AMER2: variants seen among roughly 807,000 people sequenced by gnomAD.
AMER2 encodes APC membrane recruitment protein 2.
A neutral mutation model predicts 4.7 loss-of-function variants in AMER2; 1 was observed. The observed-to-expected ratio is 0.21, with a 90% CI of 0.07 to 1.00. The LOEUF is 1.00. Among genes scored for constraint, AMER2 ranks in the 50% least tolerant of loss-of-function variants. The pLI is 0.60. For synonymous variants in AMER2, 485 were observed against 433.3 expected (o/e 1.12, Z -1.48); for missense variants, 988 against 966.9 (o/e 1.02, Z -0.29).
In AMER2 at chr13:25,164,213, G is replaced by C. The variant is rs1956450002; in HGVS notation, c.*5391C>G. Reference sequence around the variant, plus strand: ...AGACCACCCAGAACCCACCAAGATGGCTTAAGGTAGGAATAAAAACAAATG... The same window carrying C: ...AGACCACCCAGAACCCACCAAGATGCCTTAAGGTAGGAATAAAAACAAATG... On this transcript the variant is annotated 3_prime_UTR_variant, in exon 1 of 1. Transcript: ENST00000515384. 1 of 151,752 alleles carries C rather than the reference G, an allele frequency of 6.6e-6. No individual in the cohort carries two copies. Among genetic ancestry groups the C allele is most frequent in the African/African-American group, 2.4e-5 (1 of 41,274 alleles). 9.4% of individuals were successfully genotyped at this position (151,752 alleles called of 1,614,324 possible). A position where few individuals can be genotyped will look rare whatever the true frequency, so the allele number is the denominator to read the frequency against.
rs142095746 is a variant in AMER2, at chr13:25,169,610, C to G, written c.2010G>C (p.Lys670Asn). The G allele has an allele frequency of 0.013, 20,552 of 1,577,574 alleles. 177 individuals are homozygous for G. The highest frequency in any genetic ancestry group is 0.017 in the Middle Eastern group (98 of 5,860). Reference sequence around the variant, plus strand: ...CACCTTGGCCTGGAAGACCTCACAACTTTTTGGCACTGTCGTGGCAGGCCG... The same window carrying G: ...CACCTTGGCCTGGAAGACCTCACAAGTTTTTGGCACTGTCGTGGCAGGCCG... ...RATACHDSAK[K>N]L is the part of the protein sequence containing the mutation. The change falls in exon 1 of 1, where the codon AAG (lysine) becomes AAC (asparagine). Residue 670 changes from lysine to asparagine, a missense_variant. Transcript: ENST00000515384. This position sits in a 1 kb window ranked among gnomAD's most constrained non-coding sequence, Gnocchi z 4.2.
Position 25,171,506 on chromosome 13 carries a change from G to T in AMER2, c.114C>A (p.Thr38=), listed in dbSNP as rs1956579157. The T allele has an allele frequency of 1.2e-6, 2 of 1,601,628 alleles. No individual in the cohort carries two copies. Among genetic ancestry groups the T allele is most frequent in the African/African-American group, 1.4e-5 (1 of 73,910 alleles). Residue 38 remains threonine (T), a synonymous_variant, in exon 1 of 1, where the codon ACC becomes ACA. Coordinates refer to ENST00000515384, the MANE Select transcript of AMER2 (RefSeq NM_152704.4). This position sits in a 1 kb window ranked among gnomAD's most constrained non-coding sequence, Gnocchi z 5.9. ...AATGCAAGTCCATGTCTGCCGCGAG[G>T]GTCCCGGTCCCGGCCCCGGCCTCCG... ...RKAEAGAGTG[T]LAADMDLHCD...
rs1436055317 is a variant in AMER2 at position 25,169,445 on chromosome 13, A to C, written c.*159T>G. ...TTCTGGTGTTATCCGGTCCCTGCTC[A>C]GGGCACAAAGACCTCCTCGGTCCAC... On this transcript the variant is annotated 3_prime_UTR_variant, in exon 1 of 1. Transcript: ENST00000515384. This position sits in a 1 kb window ranked among gnomAD's most constrained non-coding sequence, Gnocchi z 4.2. 2.2e-6 allele frequency: 2 copies of C among 900,452 alleles called. No homozygotes were observed. Among genetic ancestry groups the C allele is most frequent in the Non-Finnish European group, 3.2e-6 (2 of 628,128 alleles). 55.8% of individuals were successfully genotyped at this position (900,452 alleles called of 1,614,324 possible).
rs748537481 is a variant in AMER2 at position 25,169,905 on chromosome 13, C to G, written c.1715G>C (p.Gly572Ala). Reference protein sequence around the residue: ...PDGSPATLPGGKDNEETSSLS... With the variant: ...PDGSPATLPGAKDNEETSSLS... The stretch of plus-strand genomic sequence containing the variant: ...GGAGGACGTCTCCTCGTTGTCCTTC[C>G]CTCCAGGAAGGGTTGCTGGACTTCC... The change falls in exon 1 of 1, where the codon GGG (glycine) becomes GCG (alanine). Residue 572 changes from glycine to alanine, a missense_variant. Gly to Ala is a moderately conservative substitution (Grantham distance 60, BLOSUM62 0). Coordinates refer to ENST00000515384, the MANE Select transcript of AMER2 (RefSeq NM_152704.4). This position sits in a 1 kb window ranked among gnomAD's most constrained non-coding sequence, Gnocchi z 4.2. 4.3e-6 allele frequency: 7 copies of G among 1,614,068 alleles called. No homozygotes were observed. The East Asian group carries it at 1.6e-4, about 36-fold the overall frequency.
In AMER2 at chr13:25,170,818, C is replaced by T. The variant is rs1157633489; in HGVS notation, c.802G>A (p.Glu268Lys). The change falls in exon 1 of 1, where the codon GAG becomes AAG. Residue 268 changes from glutamate (E) to lysine (K), a missense_variant. Transcript: ENST00000515384. This position sits in a 1 kb window ranked among gnomAD's most constrained non-coding sequence, Gnocchi z 7.3. Reference sequence around the variant, plus strand: ...GCGCGGTCGGCGGGGGCGGGCACCTCCTCTCCCCCTGCGGGCTCACCTGCT... The same window carrying T: ...GCGCGGTCGGCGGGGGCGGGCACCTTCTCTCCCCCTGCGGGCTCACCTGCT... ...DPAGEPAGGE[E>K]VPAPADRAPA... The T allele has an allele frequency of 4.3e-6, 6 of 1,408,382 alleles. No homozygotes were observed. The African/African-American group carries it at 7.5e-5, about 18-fold the overall frequency. 87.2% of individuals were successfully genotyped at this position (1,408,382 alleles called of 1,614,324 possible). A position where few individuals can be genotyped will look rare whatever the true frequency, so the allele number is the denominator to read the frequency against.
chr13:25,166,277 A>G lies in AMER2; in HGVS notation c.*3327T>C, dbSNP rs747095666. On this transcript the variant is annotated 3_prime_UTR_variant, in exon 1 of 1. Transcript: ENST00000515384. ...CCATTGTTGTTATTAGATAAAATAA[A>G]ATGTATCTAGAGGAAGTCCTTTGTA... The G allele has an allele frequency of 7.9e-5, 12 of 152,214 alleles. No individual in the cohort carries two copies. The highest frequency in any genetic ancestry group is 1.6e-4 in the Non-Finnish European group (11 of 68,032). 9.4% of individuals were successfully genotyped at this position (152,214 alleles called of 1,614,324 possible).
chr13:25,169,853 T>A lies in AMER2; in HGVS notation c.1767A>T (p.Pro589=). 6.2e-7 allele frequency: 1 copy of A among 1,614,126 alleles called. No individual in the cohort carries two copies. Among genetic ancestry groups the A allele is most frequent in the Admixed American group, 1.7e-5 (1 of 60,024 alleles). The change falls in exon 1 of 1, where the codon CCA becomes CCT. Residue 589 remains proline, a synonymous_variant. Coordinates refer to ENST00000515384, the MANE Select transcript of AMER2 (RefSeq NM_152704.4). This position sits in a 1 kb window ranked among gnomAD's most constrained non-coding sequence, Gnocchi z 4.2. ...TTCGCAGTGGACAGGTGATGGTGCC[T>A]GGAGATACGGGCTTTAACCGGGACA... ...SSLSRLKPVS[P]GTITCPLRTP...
At position 25,164,409 on chromosome 13, in the gene AMER2, T is replaced by C. The variant is rs1956452046; in HGVS notation, c.*5195A>G. 6.6e-6 allele frequency: 1 copy of C among 151,630 alleles called. No individual in the cohort carries two copies. Among genetic ancestry groups the C allele is most frequent in the African/African-American group, 2.4e-5 (1 of 41,250 alleles). 9.4% of individuals were successfully genotyped at this position (151,630 alleles called of 1,614,324 possible). ...TAGCACAGTGGCAGGGTTCCCTGTA[T>C]ATGATTGTGAGCACCATCATCTCAG... is the stretch of plus-strand genomic sequence containing the variant. On this transcript the variant is annotated 3_prime_UTR_variant, in exon 1 of 1. Transcript: ENST00000515384.
At position 25,171,309 on chromosome 13, in the gene AMER2, C is replaced by T. The variant is rs1255055218; in HGVS notation, c.311G>A (p.Arg104Lys). ...CACCTCGGCAAGTCCGTCGTGGGTC[C>T]TGCTCCTCACCAGCCCCGTCGGACC... ...SSGPTGLVRS[R>K]THDGLAEVLV... Residue 104 changes from arginine to lysine, a missense_variant, in exon 1 of 1, where the codon AGG becomes AAG. Physicochemically the swap from Arg to Lys is conservative, Grantham distance 26. Coordinates refer to ENST00000515384, the MANE Select transcript of AMER2 (RefSeq NM_152704.4). The surrounding 1 kb of genome is among the most constrained non-coding windows in gnomAD (Gnocchi z 5.9). 6.2e-7 allele frequency: 1 copy of T among 1,604,350 alleles called. No homozygotes were observed. The highest frequency in any genetic ancestry group is 8.5e-7 in the Non-Finnish European group (1 of 1,176,962).
Position 25,171,650 on chromosome 13 carries a change from A to T in AMER2, c.-31T>A. ...CCGCGCGGGATAAGCCGCTTTCGTC[A>T]GCAGTGGGCTCGCGCCAGGCCACTG... On this transcript the variant is annotated 5_prime_UTR_variant, in exon 1 of 1. Transcript: ENST00000515384. This position sits in a 1 kb window ranked among gnomAD's most constrained non-coding sequence, Gnocchi z 5.9. 6 of 1,447,454 alleles carry T rather than the reference A, an allele frequency of 4.1e-6. No individual in the cohort carries two copies. Among genetic ancestry groups the T allele is most frequent in the Non-Finnish European group, 5.4e-6 (6 of 1,112,006 alleles). The allele number at this position is 1,447,454 out of a possible 1,614,324, so 89.7% of individuals were successfully genotyped here.
In AMER2 at chr13:25,170,059, C is replaced by T. The variant is rs1956534794; in HGVS notation, c.1561G>A (p.Asp521Asn). 2 of 1,613,848 alleles carry T rather than the reference C, an allele frequency of 1.2e-6. No homozygotes were observed. The highest frequency in any genetic ancestry group is 1.3e-5 in the African/African-American group (1 of 74,932). ...GTGGTGGAGTCCCAGTAGCCCTCGTCGCTGTTGGGGACGCCTTCCTGCTGC... is the reference window on the plus strand; with the variant it reads ...GTGGTGGAGTCCCAGTAGCCCTCGTTGCTGTTGGGGACGCCTTCCTGCTGC... ...KEQQEGVPNS[D>N]EGYWDSTTPG... is the part of the protein sequence containing the mutation. Residue 521 changes from aspartate (D) to asparagine (N), a missense_variant, in exon 1 of 1, where the codon GAC (aspartate) becomes AAC (asparagine). Asp to Asn is a conservative substitution (Grantham distance 23). Coordinates refer to ENST00000515384, the MANE Select transcript of AMER2 (RefSeq NM_152704.4). The surrounding 1 kb of genome is among the most constrained non-coding windows in gnomAD (Gnocchi z 7.3).
rs1956564806 is a variant in AMER2 at position 25,171,058 on chromosome 13, C to T, written c.562G>A (p.Gly188Ser). The change falls in exon 1 of 1, where the codon GGC becomes AGC. Residue 188 changes from glycine (G) to serine (S), a missense_variant. Physicochemically the swap from Gly to Ser is moderately conservative, Grantham distance 56. Coordinates refer to ENST00000515384, the MANE Select transcript of AMER2 (RefSeq NM_152704.4). This position sits in a 1 kb window ranked among gnomAD's most constrained non-coding sequence, Gnocchi z 5.9. ...CCCCGCAGCCCCCGCTTTTGTTTGC[C>T]GCCGGCCTTGCTCGCGTCCACAGGC... ...GEPVDASKAG[G>S]KQKRGLRGLF... 2 of 1,578,806 alleles carry T rather than the reference C, an allele frequency of 1.3e-6. No homozygotes were observed. The highest frequency in any genetic ancestry group is 2.5e-5 in the East Asian group (1 of 40,158).
rs1343226775 is a variant in AMER2 at position 25,170,150 on chromosome 13, G to A, written c.1470C>T (p.Arg490=). The part of the protein sequence containing the change: ...EAAKDASSVK[R]RRLNRIPIEP... ...CGATGGGAATCCGGTTGAGCCTCCT[G>A]CGCTTGACCGAGGACGCGTCCTTGG... The change falls in exon 1 of 1, where the codon CGC becomes CGT. Residue 490 remains arginine, a synonymous_variant. Coordinates refer to ENST00000515384, the MANE Select transcript of AMER2 (RefSeq NM_152704.4). The surrounding 1 kb of genome is among the most constrained non-coding windows in gnomAD (Gnocchi z 7.3). The A allele has an allele frequency of 1.9e-6, 3 of 1,614,022 alleles. No homozygotes were observed. Among genetic ancestry groups the A allele is most frequent in the Admixed American group, 1.7e-5 (1 of 60,022 alleles).
At position 25,170,010 on chromosome 13, in the gene AMER2, G is replaced by A. The variant is rs150740704; in HGVS notation, c.1610C>T (p.Ser537Leu). 9.6e-4 allele frequency: 1,553 copies of A among 1,613,774 alleles called. 6 individuals carry two copies. The African/African-American group carries it at 0.017, about 18-fold the overall frequency. The change falls in exon 1 of 1, where the codon TCG becomes TTG. Residue 537 changes from serine (S) to leucine (L), a missense_variant. Coordinates refer to ENST00000515384, the MANE Select transcript of AMER2 (RefSeq NM_152704.4). The surrounding 1 kb of genome is among the most constrained non-coding windows in gnomAD (Gnocchi z 7.3). Reference sequence around the variant, plus strand: ...GATGCCCGCCTTCTTCCCGCTGCTCGAGCTGTCTTCCTCTGGGCCTGGCGT... The same window carrying A: ...GATGCCCGCCTTCTTCCCGCTGCTCAAGCTGTCTTCCTCTGGGCCTGGCGT... Reference protein sequence around the residue: ...STTPGPEEDSSSSGKKAGIPR... With the variant: ...STTPGPEEDSLSSGKKAGIPR...
At position 25,162,525 on chromosome 13, in the gene AMER2, C is replaced by T. The variant is rs1214531534; in HGVS notation, c.*7079G>A. On this transcript the variant is annotated 3_prime_UTR_variant, in exon 1 of 1. Coordinates refer to ENST00000515384, the MANE Select transcript of AMER2 (RefSeq NM_152704.4). ...TTAGAAATAAATGTGTAGTGGGGAC[C>T]AGTGGTTGTAATGTAGATACTTGAG... The T allele has an allele frequency of 2.6e-5, 4 of 152,080 alleles. No homozygotes were observed. The highest frequency in any genetic ancestry group is 7.2e-5 in the African/African-American group (3 of 41,394). The allele number at this position is 152,080 out of a possible 1,614,324, so 9.4% of individuals were successfully genotyped here. A position where few individuals can be genotyped will look rare whatever the true frequency, so the allele number is the denominator to read the frequency against.
At position 25,171,458 on chromosome 13, in the gene AMER2, C is replaced by T. The variant is rs772572417; in HGVS notation, c.162G>A (p.Pro54=). The change falls in exon 1 of 1, where the codon CCG becomes CCA. Residue 54 remains proline, a synonymous_variant. Coordinates refer to ENST00000515384, the MANE Select transcript of AMER2 (RefSeq NM_152704.4). The surrounding 1 kb of genome is among the most constrained non-coding windows in gnomAD (Gnocchi z 5.9). ...TCTTCCCCGACGGCGGCTCGGCGGC[C>T]GGCGTTTCGGCGGCACAGTCACAAT... ...DLHCDCAAET[P]AAEPPSGKIN... 6.8e-6 allele frequency: 11 copies of T among 1,610,708 alleles called. No homozygotes were observed. Among genetic ancestry groups the T allele is most frequent in the East Asian group, 2.2e-5 (1 of 44,638 alleles).
Position 25,171,333 on chromosome 13 carries a change from C to T in AMER2, c.287G>A (p.Gly96Asp). Residue 96 changes from glycine to aspartate, a missense_variant, in exon 1 of 1, where the codon GGT becomes GAT. Gly to Asp is a moderately conservative substitution (Grantham distance 94). Transcript: ENST00000515384. This position sits in a 1 kb window ranked among gnomAD's most constrained non-coding sequence, Gnocchi z 5.9. ...CCTGCTCCTCACCAGCCCCGTCGGACCCGAGCTTTTCCCGTCCCCTTTGTT... is the reference window on the plus strand; with the variant it reads ...CCTGCTCCTCACCAGCCCCGTCGGATCCGAGCTTTTCCCGTCCCCTTTGTT... ...VKNKGDGKSSGPTGLVRSRTH... is the reference protein window; with the variant it reads ...VKNKGDGKSSDPTGLVRSRTH... 1.2e-6 allele frequency: 2 copies of T among 1,609,800 alleles called. No individual in the cohort carries two copies. The highest frequency in any genetic ancestry group is 8.5e-7 in the Non-Finnish European group (1 of 1,178,714).
Position 25,171,586 on chromosome 13 carries a change from C to A in AMER2, c.34G>T (p.Ala12Ser). 1 of 1,511,072 alleles carries A rather than the reference C, an allele frequency of 6.6e-7. No homozygotes were observed. Among genetic ancestry groups the A allele is most frequent in the Middle Eastern group, 1.8e-4 (1 of 5,646 alleles). The allele number at this position is 1,511,072 out of a possible 1,614,324, so 93.6% of individuals were successfully genotyped here. A position where few individuals can be genotyped will look rare whatever the true frequency, so the allele number is the denominator to read the frequency against. ...CCAGCTCCGCCGCGCTCGCTGACAG[C>A]CCCGCCGCCGCCGCGGCTCCGGCTC... The part of the protein sequence containing the change: ...ETSRSRGGGG[A>S]VSERGGAGAS... Residue 12 changes from alanine to serine, a missense_variant, in exon 1 of 1, where the codon GCT becomes TCT. Coordinates refer to ENST00000515384, the MANE Select transcript of AMER2 (RefSeq NM_152704.4). This position sits in a 1 kb window ranked among gnomAD's most constrained non-coding sequence, Gnocchi z 5.9.
Position 25,168,039 on chromosome 13 carries a change from A to T in AMER2, c.*1565T>A, listed in dbSNP as rs1956499467. On this transcript the variant is annotated 3_prime_UTR_variant, in exon 1 of 1. Transcript: ENST00000515384. Reference sequence around the variant, plus strand: ...GTATGATGAATCACCTCCTAGTAGAAGCTCTGGTCTTTTGATTAAATACAC... The same window carrying T: ...GTATGATGAATCACCTCCTAGTAGATGCTCTGGTCTTTTGATTAAATACAC... 1 of 152,196 alleles carries T rather than the reference A, an allele frequency of 6.6e-6. No individual in the cohort carries two copies. The highest frequency in any genetic ancestry group is 1.5e-5 in the Non-Finnish European group (1 of 68,008). 9.4% of individuals were successfully genotyped at this position (152,196 alleles called of 1,614,324 possible). A position where few individuals can be genotyped will look rare whatever the true frequency, so the allele number is the denominator to read the frequency against.
Sources: gnomAD v4.1 joint callset for allele counts on GRCh38, gnomAD v4.1.1 for gene constraint, Gnocchi (gnomAD v3.1) non-coding constraint, MANE v1.5 for transcripts, NCBI Gene and HGNC (gene_info 2026-07-23, HGNC 2026-07-21) for gene names.